The following ZNF420 variants were observed in gnomAD, a reference collection of about 807,000 sequenced individuals.
ZNF420 encodes zinc finger protein 420.
Under a neutral mutation model 44.7 loss-of-function variants are expected in ZNF420, and 31 were observed. That is an observed-to-expected ratio of 0.69 (90% CI 0.52 to 0.94). The LOEUF is 0.94. Ranked by LOEUF, ZNF420 falls within the 40% of genes least tolerant of loss-of-function variation. The pLI, the probability that ZNF420 is intolerant of heterozygous loss-of-function variation, is 0.00. For missense variants in ZNF420, 681 were observed against 827.9 expected (o/e 0.82, Z 2.18); for synonymous variants, 245 against 267.4 (o/e 0.92, Z 0.82).
chr19:37,115,093 G>A (rs1295252458), intron 4 of ZNF420: 1 of 168,232 alleles, frequency 5.9e-6, no homozygotes, highest in East Asian at 1.8e-4. Context: ...TTACCGCAAA[G>A]GGTGACCATA....
chr19:37,009,346 C>G (rs887637532), intron 1 of ZNF420, among the ~76,000 whole-genome samples: 2 of 152,166 alleles, frequency 1.3e-5, no homozygotes, highest in Non-Finnish European at 2.9e-5. Flanking sequence ...CTTGGACTTA[C>G]GCACAGGGCC....
At chr19:37,115,984 T>C (rs1051993064) in intron 4 of ZNF420, among the ~76,000 whole-genome samples, 2 of 152,132 alleles carry the variant, frequency 1.3e-5, no homozygotes, top group African/African-American at 4.8e-5. Context: ...CCTAAATCCA[T>C]TAAACCTTGA....
chr19:37,124,100 C>T (rs1469067900), intron 4 of ZNF420, among the ~76,000 whole-genome samples: 2 of 152,172 alleles, frequency 1.3e-5, no homozygotes, highest in African/African-American at 2.4e-5. Flanking sequence ...AACCTCTCCC[C>T]TTTAACCATT....
chr19:37,020,293 T>C (rs2074638778), intron 1 of ZNF420, among the ~76,000 whole-genome samples: 1 of 150,872 alleles, frequency 6.6e-6, no homozygotes, highest in African/African-American at 2.4e-5. Context: ...ACATAATGGC[T>C]AATGTCAGCA....
In ZNF420 at chr19:37,127,524, G is replaced by A. The variant is rs1216508640; in HGVS notation, c.533G>A (p.Arg178His). Residue 178 changes from arginine to histidine, a missense_variant, in exon 5 of 5, where the codon CGT becomes CAT. Around this residue, in one of 3 missense-constraint regions of ZNF420, gnomAD observed 350 missense variants for 382.5 expected, o/e 0.92. Coordinates refer to ENST00000337995, the MANE Select transcript of ZNF420 (RefSeq NM_144689.5). Reference sequence around the variant, plus strand: ...AAGCAATGCGGGAAGGCCTTTAGTCGTGATTCACAACTCAGTCTTCATCAG... The same window carrying A: ...AAGCAATGCGGGAAGGCCTTTAGTCATGATTCACAACTCAGTCTTCATCAG... ...ECKQCGKAFS[R>H]DSQLSLHQRL... The A allele has an allele frequency of 6.8e-6, 11 of 1,613,476 alleles. No individual in the cohort carries two copies. The highest frequency in any genetic ancestry group is 2.7e-5 in the African/African-American group (2 of 74,794).
At chr19:37,056,982 G>A (rs944259466) in intron 1 of ZNF420, among the ~76,000 whole-genome samples, 1 of 152,280 alleles carries the variant, frequency 6.6e-6, no homozygotes, top group Non-Finnish European at 1.5e-5. Flanking sequence ...AGCGGAGCGC[G>A]AGTCGGCCTA....
intron 1 of ZNF420, among the ~76,000 whole-genome samples, chr19:37,064,897 GAC>G (rs1430481616): frequency 6.6e-6 from 1 of 152,230 alleles, no homozygotes; most frequent in Non-Finnish European, 1.5e-5. Flanking sequence ...TTGAGAAAAA[GAC>G]AGTTTGAGAG....
At chr19:37,123,282 G>C (rs1337104323) in intron 4 of ZNF420, among the ~76,000 whole-genome samples, 1 of 152,074 alleles carries the variant, frequency 6.6e-6, no homozygotes, top group African/African-American at 2.4e-5. Flanking sequence ...TACTAATTTT[G>C]GCTCCCCAAC....
chr19:37,010,322 A>G (rs556040229), intron 1 of ZNF420, among the ~76,000 whole-genome samples: 2 of 152,266 alleles, frequency 1.3e-5, no homozygotes, highest in African/African-American at 4.8e-5. Flanking sequence ...CCCAGCCTCA[A>G]CTGCCGGGAC....
At position 37,019,740 on chromosome 19, in the gene ZNF420, T is replaced by C. The variant is rs191223597; in HGVS notation, c.-125+11658T>C. Among the ~76,000 whole-genome samples, 533 of 150,846 alleles carry C rather than the reference T, an allele frequency of 3.5e-3. 1 individual carries two copies. The highest frequency in any genetic ancestry group is 5.9e-3 in the Non-Finnish European group (399 of 67,776). On this transcript the variant is annotated intron_variant, in intron 1 of 4. Transcript: ENST00000587029. ...CAAGATTTGACCACTGCACTCCCAA[T>C]TGGGGGACAGAGAAAGACTCATCTG...
chr19:37,068,245 G>C (rs1968001695), intron 1 of ZNF420, among the ~76,000 whole-genome samples: 1 of 152,126 alleles, frequency 6.6e-6, no homozygotes, highest in South Asian at 2.1e-4. Context: ...AAGAGTAGCA[G>C]AAAAGGTTGG....
At chr19:37,126,360 G>A (rs1808340030) in intron 4 of ZNF420, among the ~76,000 whole-genome samples, 1 of 152,166 alleles carries the variant, frequency 6.6e-6, no homozygotes, top group Non-Finnish European at 1.5e-5. Flanking sequence ...CTTTTTCAGA[G>A]TTGAAAGGAA....
chr19:37,124,703 G>A lies in ZNF420; in HGVS notation c.137-2425G>A, dbSNP rs576544317. On this transcript the variant is annotated intron_variant, in intron 4 of 4. Coordinates refer to ENST00000337995, the MANE Select transcript of ZNF420 (RefSeq NM_144689.5). ...TTTTTATGAGCCAGAGTCTCGCTCT[G>A]TTGCCCAGGCTGGCTTGCTAGTGGT... Among the ~76,000 whole-genome samples the A allele has an allele frequency of 1.1e-4, 16 of 151,686 alleles. No individual in the cohort carries two copies. The East Asian group carries it at 3.1e-3, about 30-fold the overall frequency.
rs1326532524 is a variant in ZNF420, at chr19:37,128,352, A to G, written c.1361A>G (p.Lys454Arg). The part of the protein sequence containing the change: ...EKPYECKECG[K>R]TFSRGSELTQ... Reference sequence around the variant, plus strand: ...CCCTATGAATGTAAAGAATGTGGAAAAACCTTTAGTCGTGGCTCAGAACTT... The same window carrying G: ...CCCTATGAATGTAAAGAATGTGGAAGAACCTTTAGTCGTGGCTCAGAACTT... Residue 454 changes from lysine (K) to arginine (R), a missense_variant, in exon 5 of 5, where the codon AAA becomes AGA. Coordinates refer to ENST00000337995, the MANE Select transcript of ZNF420 (RefSeq NM_144689.5). The G allele has an allele frequency of 6.2e-7, 1 of 1,614,012 alleles. No individual in the cohort carries two copies. Among genetic ancestry groups the G allele is most frequent in the Non-Finnish European group, 8.5e-7 (1 of 1,179,966 alleles).
chr19:37,079,398 GTCCCATGTGGCTCTGTGCTCC>G (rs1463005981), intron 1 of ZNF420, among the ~76,000 whole-genome samples: 2 of 152,150 alleles, frequency 1.3e-5, no homozygotes, highest in Non-Finnish European at 2.9e-5. Context: ...TGGATTGTGA[GTCCCATGTGGCTCTGTGCTCC>G]TCCCATGTGG....
chr19:37,102,876 A>AT (rs901822251), intron 4 of ZNF420, among the ~76,000 whole-genome samples: 7 of 151,910 alleles, frequency 4.6e-5, no homozygotes, highest in Admixed American at 2.6e-4. Flanking sequence ...GCTAAATCTA[A>AT]TTTTTTTCTA....
At chr19:37,123,595 T>A (rs12985542) in intron 4 of ZNF420, among the ~76,000 whole-genome samples, 8 of 131,516 alleles carry the variant, frequency 6.1e-5, no homozygotes, top group African/African-American at 2.5e-4. Flanking sequence ...TCTTTTACTC[T>A]TGTCTTTTTT....
Position 37,130,341 on chromosome 19 carries a change from G to A in ZNF420, c.*1283G>A. 7.7e-7 allele frequency: 1 copy of A among 1,304,430 alleles called. No individual in the cohort carries two copies. The highest frequency in any genetic ancestry group is 9.8e-7 in the Non-Finnish European group (1 of 1,021,316). 80.8% of individuals were successfully genotyped at this position (1,304,430 alleles called of 1,614,324 possible). ...TTGATGCTATTGTAGTTCTGTTATT[G>A]ACAATAAAAATTCTTAAGGATATAA... On this transcript the variant is annotated 3_prime_UTR_variant, in exon 5 of 5. Coordinates refer to ENST00000337995, the MANE Select transcript of ZNF420 (RefSeq NM_144689.5).
chr19:37,103,087 T>C (rs1433344171), intron 4 of ZNF420, among the ~76,000 whole-genome samples: 1 of 152,172 alleles, frequency 6.6e-6, no homozygotes, highest in Admixed American at 6.5e-5. Context: ...ATAGTATTTC[T>C]TGTTTTTTAA....
Sources: gnomAD v4.1 joint callset for allele counts (sites outside exome capture counted in the v4.1 genomes callset) on GRCh38, gnomAD v4.1.1 for gene constraint, gnomAD v4.1.1 regional missense constraint, MANE v1.5 for transcripts, NCBI Gene and HGNC (gene_info 2026-07-23, HGNC 2026-07-21) for gene names.